Variants in DAB1 observed in about 807,000 individuals in gnomAD.
DAB1 encodes the protein disabled homolog 1.
A neutral mutation model predicts 64.6 loss-of-function variants in DAB1; 15 were observed. The ratio of observed to expected loss-of-function variants is 0.23; its 90% CI spans 0.16 to 0.36. The LOEUF is 0.36. Among genes scored for constraint, DAB1 ranks in the 10% least tolerant of loss-of-function variants. The pLI, the probability that DAB1 is intolerant of heterozygous loss-of-function variation, is 1.00. For synonymous variants in DAB1, 235 were observed against 251.9 expected (o/e 0.93, Z 0.64); for missense variants, 596 against 706.7 (o/e 0.84, Z 1.78).
chr1:58,128,049 C>G (rs1304995471), intron 5 of DAB1, among the ~76,000 whole-genome samples: 1 of 150,902 alleles, frequency 6.6e-6, no homozygotes, highest in African/African-American at 2.4e-5. Context: ...TTACCTTGGG[C>G]AGTATGGCCA....
chr1:57,249,797 T>C (rs564851076), intron 2 of DAB1, among the ~76,000 whole-genome samples: 1 of 152,364 alleles, frequency 6.6e-6, no homozygotes, highest in South Asian at 2.1e-4. Context: ...TGATGGAGCT[T>C]TGTACATCTG....
At chr1:57,488,331 G>A (rs377408409) in intron 7 of DAB1, among the ~76,000 whole-genome samples, 7 of 151,656 alleles carry the variant, frequency 4.6e-5, no homozygotes, top group South Asian at 2.1e-4. Flanking sequence ...GAACCCGGGC[G>A]GGGGAGCTTG....
chr1:58,073,018 GGTAGTTACT>G (rs1649371724), intron 5 of DAB1, among the ~76,000 whole-genome samples: 1 of 152,100 alleles, frequency 6.6e-6, no homozygotes, highest in South Asian at 2.1e-4. Context: ...ACCTTAATGA[GGTAGTTACT>G]GTTATTTGTA....
intron 4 of DAB1, among the ~76,000 whole-genome samples, chr1:58,157,891 C>A (rs1414008977): frequency 6.6e-6 from 1 of 152,150 alleles, no homozygotes; most frequent in Non-Finnish European, 1.5e-5. Context: ...CACTTATGGG[C>A]ACTGGGAACA....
chr1:57,279,729 T>C (rs1671740549), intron 2 of DAB1, among the ~76,000 whole-genome samples: 1 of 152,228 alleles, frequency 6.6e-6, no homozygotes, highest in South Asian at 2.1e-4. Context: ...TTATACATAG[T>C]CAAAATCCTT....
At chr1:58,236,744 C>T (rs775307455) in intron 4 of DAB1, among the ~76,000 whole-genome samples, 1 of 152,206 alleles carries the variant, frequency 6.6e-6, no homozygotes, top group Non-Finnish European at 1.5e-5. Flanking sequence ...GAAGCTCAAA[C>T]CGAACACCAC....
chr1:57,226,676 T>C (rs190833297), intron 2 of DAB1, among the ~76,000 whole-genome samples: 2 of 92,616 alleles, frequency 2.2e-5, no homozygotes, highest in Admixed American at 9.4e-5. Context: ...AAAAAAAATA[T>C]ATATATATAT....
At chr1:57,439,619 G>A (rs1570520871) in intron 7 of DAB1, among the ~76,000 whole-genome samples, 3 of 126,200 alleles carry the variant, frequency 2.4e-5, no homozygotes, top group Admixed American at 2.2e-4. Flanking sequence ...TAGTAGAGAC[G>A]GGGTTCACCA....
chr1:58,125,972 G>A (rs1653050291), intron 5 of DAB1, among the ~76,000 whole-genome samples: 1 of 152,094 alleles, frequency 6.6e-6, no homozygotes, highest in Non-Finnish European at 1.5e-5. Context: ...AAGGGGACAG[G>A]CTGTTACCAC....
chr1:57,821,725 C>T (rs567950578), downstream of DAB1, among the ~76,000 whole-genome samples: 149 of 152,270 alleles, frequency 9.8e-4, no homozygotes, highest in African/African-American at 3.2e-3. Context: ...TACTTTGCAC[C>T]AAGAGCCAAG....
At chr1:57,832,740 G>T (rs1306043502) in intron 1 of DAB1, among the ~76,000 whole-genome samples, 4 of 152,196 alleles carry the variant, frequency 2.6e-5, no homozygotes, top group Non-Finnish European at 4.4e-5. Context: ...CAAAGTAGCT[G>T]CAGTCTTTCT....
At chr1:57,648,833 G>A (rs1266576656) in intron 7 of DAB1, among the ~76,000 whole-genome samples, 1 of 152,172 alleles carries the variant, frequency 6.6e-6, no homozygotes, top group Non-Finnish European at 1.5e-5. Context: ...GTAATCTATG[G>A]CAGAAGAGCA....
chr1:58,193,134 G>T (rs1049447776), intron 4 of DAB1, among the ~76,000 whole-genome samples: 1 of 152,130 alleles, frequency 6.6e-6, no homozygotes, highest in African/African-American at 2.4e-5. Context: ...TGGGTCGTGC[G>T]GGAAGATCCC....
intron 7 of DAB1, among the ~76,000 whole-genome samples, chr1:57,554,479 T>G (rs1196045571): frequency 6.6e-6 from 1 of 152,132 alleles, no homozygotes; most frequent in East Asian, 1.9e-4. Flanking sequence ...AACTTGTTTG[T>G]GTTGTTTTTG....
At chr1:57,546,854 G>A (rs1203177686) in intron 7 of DAB1, among the ~76,000 whole-genome samples, 4 of 152,128 alleles carry the variant, frequency 2.6e-5, no homozygotes, top group Non-Finnish European at 5.9e-5. Flanking sequence ...CTGTATATAT[G>A]TGTGTATATA....
chr1:58,116,191 C>G (rs1652325500), intron 5 of DAB1, among the ~76,000 whole-genome samples: 1 of 152,088 alleles, frequency 6.6e-6, no homozygotes, highest in Non-Finnish European at 1.5e-5. Flanking sequence ...TTCTTCCTTC[C>G]TGGAAAGTAA....
At chr1:57,146,095 C>A (rs915062562) in intron 2 of DAB1, among the ~76,000 whole-genome samples, 1 of 152,184 alleles carries the variant, frequency 6.6e-6, no homozygotes, top group Non-Finnish European at 1.5e-5. Context: ...ACACATCAAC[C>A]AGGAGCTCAA....
At chr1:57,492,450 A>C (rs1030207579) in intron 7 of DAB1, among the ~76,000 whole-genome samples, 5 of 152,222 alleles carry the variant, frequency 3.3e-5, no homozygotes, top group Non-Finnish European at 5.9e-5. Context: ...ACTCTAGAAA[A>C]TGCCTGTTCA....
At chr1:57,058,428 T>C (rs11206964) in intron 9 of DAB1, among the ~76,000 whole-genome samples, 53,809 of 152,084 alleles carry the variant, frequency 0.35, 11,892 homozygotes, top group Middle Eastern at 0.57. Context: ...CACACAGGGA[T>C]TCATTTGTTC....
Sources: gnomAD v4.1 joint callset for allele counts (sites outside exome capture counted in the v4.1 genomes callset) on GRCh38, gnomAD v4.1.1 for gene constraint, MANE v1.5 for transcripts, NCBI Gene and HGNC (gene_info 2026-07-23, HGNC 2026-07-21) for gene names.